Variants in COL22A1 observed in about 807,000 individuals in gnomAD.
The protein encoded by COL22A1 is collagen type XXII alpha 1 chain, also known as collagen alpha-1(XXII) chain.
COL22A1 carries 221 observed loss-of-function variants against 248.9 expected under a neutral mutation model. That is an observed-to-expected ratio of 0.89 (90% CI 0.80 to 0.99). The LOEUF (loss-of-function observed/expected upper bound fraction) is 0.99. Among genes scored for constraint, COL22A1 ranks in the 50% least tolerant of loss-of-function variants. COL22A1 has a pLI of 0.00. For missense variants in COL22A1, 2,240 were observed against 2,179.0 expected, an observed-to-expected ratio of 1.03 and a Z score of -0.56; for synonymous variants, 891 against 793.4, an observed-to-expected ratio of 1.12 and a Z score of -2.07.
At chr8:138,858,375 TTTTGTTTTGA>T (rs1383585446) in intron 3 of COL22A1, among the ~76,000 whole-genome samples, 4 of 152,146 alleles carry the variant, frequency 2.6e-5, no homozygotes, top group African/African-American at 9.7e-5. Context: ...TTTTGTTTTG[TTTTGTTTTGA>T]TTTGTTTTGT....
At chr8:138,683,647 T>G (rs1427765784) in intron 39 of COL22A1, among the ~76,000 whole-genome samples, 1 of 152,120 alleles carries the variant, frequency 6.6e-6, no homozygotes, top group African/African-American at 2.4e-5. Flanking sequence ...CCCCAAGAAT[T>G]TGGTAGAAGA....
At chr8:138,865,426 C>T (rs13439846) in intron 3 of COL22A1, among the ~76,000 whole-genome samples, 34,905 of 143,170 alleles carry the variant, frequency 0.24, 4,883 homozygotes, top group African/African-American at 0.43. Flanking sequence ...TTTGTAGGCA[C>T]GTGTGTGGTG....
chr8:138,605,531 T>C (rs1462637173), intron 58 of COL22A1, among the ~76,000 whole-genome samples: 1 of 151,936 alleles, frequency 6.6e-6, no homozygotes, highest in Admixed American at 6.6e-5. Flanking sequence ...GGCAGCATGG[T>C]AGAGAAGGGT....
chr8:138,787,019 A>G (rs552843393), intron 12 of COL22A1, among the ~76,000 whole-genome samples: 2 of 152,360 alleles, frequency 1.3e-5, no homozygotes, highest in African/African-American at 4.8e-5. Context: ...TTTCTAAAGT[A>G]GAGGTTTACA....
chr8:138,622,609 T>G (rs4576426), intron 52 of COL22A1, among the ~76,000 whole-genome samples: 109,945 of 152,042 alleles, frequency 0.72, 42,252 homozygotes, highest in Non-Finnish European at 0.85. Context: ...CATCCTCCCA[T>G]GGACAGGAAC....
intron 4 of COL22A1, among the ~76,000 whole-genome samples, chr8:138,837,013 C>T (rs569324158): frequency 5.3e-5 from 8 of 152,086 alleles, no homozygotes; most frequent in Non-Finnish European, 1.0e-4. Context: ...GGAAGTTATC[C>T]GGTTTTGTTG....
chr8:138,609,397 G>A (rs1818682974), intron 56 of COL22A1, among the ~76,000 whole-genome samples: 1 of 152,156 alleles, frequency 6.6e-6, no homozygotes, highest in African/African-American at 2.4e-5. Flanking sequence ...CAAAGCACAT[G>A]CATGGCCATG....
At chr8:138,646,716 A>T (rs1281703020) in intron 46 of COL22A1, 34 bp from the exon 47 acceptor site, 1 of 1,485,632 alleles carries the variant, frequency 6.7e-7, no homozygotes, top group Middle Eastern at 1.7e-4. Flanking sequence ...AAAAGAAAAC[A>T]AGAATGAGTA....
In COL22A1 at chr8:138,839,833, C is replaced by T. The variant is rs140740647; in HGVS notation, c.733+4251G>A. Among the ~76,000 whole-genome samples, 44 of 152,286 alleles carry T rather than the reference C, an allele frequency of 2.9e-4. 3 individuals are homozygous for T. The East Asian group carries it at 4.8e-3, about 17-fold the overall frequency. Reference sequence around the variant, plus strand: ...CTAAACTTCTAGAAAAGTTGCCTAACGCTTTTATTGGCTAGAATTTGTAGA... The same window carrying T: ...CTAAACTTCTAGAAAAGTTGCCTAATGCTTTTATTGGCTAGAATTTGTAGA... On this transcript the variant is annotated intron_variant, in intron 4 of 64. Transcript: ENST00000303045.
In COL22A1 at chr8:138,589,175, C is replaced by A; in HGVS notation, c.*78G>T. 7.2e-7 allele frequency: 1 copy of A among 1,379,782 alleles called. No individual in the cohort carries two copies. The highest frequency in any genetic ancestry group is 1.0e-6 in the Non-Finnish European group (1 of 996,490). The allele number at this position is 1,379,782 out of a possible 1,614,324, so 85.5% of individuals were successfully genotyped here. ...AAAGGAACACATGGCTGAAGTCTTT[C>A]AAGACCTCTGGCTTCCCACTGGGCT... On this transcript the variant is annotated 3_prime_UTR_variant, in exon 65 of 65. Transcript: ENST00000303045.
At chr8:138,694,681 G>A (rs941403849) in intron 33 of COL22A1, 120 bp from the exon 34 acceptor site, 62 of 1,359,392 alleles carry the variant, frequency 4.6e-5, no homozygotes, top group African/African-American at 4.4e-4. Context: ...CGTAGCTAGC[G>A]TCCTGAGGAG....
At chr8:138,882,953 G>T in intron 2 of COL22A1, 129 bp downstream of exon 2, 1 of 852,200 alleles carries the variant, frequency 1.2e-6, no homozygotes, top group Admixed American at 2.8e-5. Context: ...CTTGGATTCC[G>T]GACTCTCCCT....
At chr8:138,912,849 G>C (rs1815551510) in intron 1 of COL22A1, among the ~76,000 whole-genome samples, 1 of 152,150 alleles carries the variant, frequency 6.6e-6, no homozygotes. Flanking sequence ...GGAACAGGCC[G>C]GCAGGCGGTG....
At chr8:138,744,332 C>A (rs1831934319) in intron 22 of COL22A1, among the ~76,000 whole-genome samples, 1 of 152,082 alleles carries the variant, frequency 6.6e-6, no homozygotes, top group South Asian at 2.1e-4. Flanking sequence ...AAGCGAAAGG[C>A]AGGGATTAAG....
chr8:138,694,530 G>C lies in COL22A1; in HGVS notation c.2678C>G (p.Pro893Arg). 2 of 1,613,948 alleles carry C rather than the reference G, an allele frequency of 1.2e-6. No individual in the cohort carries two copies. Among genetic ancestry groups the C allele is most frequent in the Non-Finnish European group, 1.7e-6 (2 of 1,179,960 alleles). ...TACCGGTGGTCCAGTGGGTCCCTGA[G>C]GCCCCAATTCTCCAGGACGGCCCTG... ...GLQGRPGELG[P>R]QGPTGPPGAK... Residue 893 changes from proline to arginine, a missense_variant, in exon 34 of 65, where the codon CCT becomes CGT. Transcript: ENST00000303045.
In COL22A1 at chr8:138,883,119, C is replaced by A; in HGVS notation, c.54G>T (p.Leu18=). The A allele has an allele frequency of 6.3e-7, 1 of 1,598,952 alleles. No individual in the cohort carries two copies. The highest frequency in any genetic ancestry group is 8.5e-7 in the Non-Finnish European group (1 of 1,173,840). ...CCTGGCAGCCGCCGCCCCCACTCCA[C>A]AGCAGCAGCATCCAGAGGAGGCCAG... The part of the protein sequence containing the change: ...AVAGLLWMLL[L]WSGGGGCQAQ... The change falls in exon 2 of 65, where the codon CTG becomes CTT. Residue 18 remains leucine (L), a synonymous_variant. Transcript: ENST00000303045.
At position 138,755,530 on chromosome 8, in the gene COL22A1, A is replaced by G; in HGVS notation, c.1948-19T>C. 1 of 1,613,998 alleles carries G rather than the reference A, an allele frequency of 6.2e-7. No individual in the cohort carries two copies. Among genetic ancestry groups the G allele is most frequent in the African/African-American group, 1.3e-5 (1 of 75,052 alleles). ...GCTGCACCTGAGAGACAAAGCAAGC[A>G]TTAGCAAAGGTGCTGGCATTTCCGC... On this transcript the variant is annotated intron_variant, in intron 19 of 64. Coordinates refer to ENST00000303045, the MANE Select transcript of COL22A1 (RefSeq NM_152888.3).
Position 138,772,940 on chromosome 8 carries a change from T to G in COL22A1, c.1803+3026A>C, listed in dbSNP as rs374212140. 6.4e-4 allele frequency among the ~76,000 whole-genome samples: 98 copies of G among 152,282 alleles called. No individual in the cohort carries two copies. The South Asian group carries it at 0.02, about 31-fold the overall frequency. Reference sequence around the variant, plus strand: ...CAGAATGTCTTCAATGTTTCTCCATTAGGCAGAGGGTGCTGAGTGCTGGGA... The same window carrying G: ...CAGAATGTCTTCAATGTTTCTCCATGAGGCAGAGGGTGCTGAGTGCTGGGA... On this transcript the variant is annotated intron_variant, in intron 16 of 64. Coordinates refer to ENST00000303045, the MANE Select transcript of COL22A1 (RefSeq NM_152888.3).
In COL22A1 at chr8:138,702,511, C is replaced by A. The variant is rs573533883; in HGVS notation, c.2559+795G>T. ...GCCAGTAACTGGCCAACTCCTGATA[C>A]ATGTTTAGGGTCAGGGCCAGCCCAA... On this transcript the variant is annotated intron_variant, in intron 31 of 64. Coordinates refer to ENST00000303045, the MANE Select transcript of COL22A1 (RefSeq NM_152888.3). Among the ~76,000 whole-genome samples the A allele has an allele frequency of 2.4e-3, 372 of 151,924 alleles. 2 individuals are homozygous for A. The highest frequency in any genetic ancestry group is 4.2e-3 in the Non-Finnish European group (283 of 68,006).
Sources: gnomAD v4.1 joint callset for allele counts (sites outside exome capture counted in the v4.1 genomes callset) on GRCh38, gnomAD v4.1.1 for gene constraint, MANE v1.5 for transcripts, NCBI Gene and HGNC (gene_info 2026-07-23, HGNC 2026-07-21) for gene names.